The following MSN variants were observed in gnomAD, a reference collection of about 807,000 sequenced individuals.
MSN encodes the protein moesin, also known as epididymis luminal protein 70.
A neutral mutation model predicts 48.0 loss-of-function variants in MSN; 2 were observed. The observed-to-expected ratio is 0.04, with a 90% CI of 0.02 to 0.13. The LOEUF (loss-of-function observed/expected upper bound fraction) is 0.13. Among genes scored for constraint, MSN ranks in the 10% least tolerant of loss-of-function variants. The probability of loss-of-function intolerance (pLI) is 1.00; values close to 1 mark genes in which losing one functional copy is unlikely to be tolerated. For missense variants in MSN, 267 were observed against 470.1 expected (o/e 0.57, Z 3.99); for synonymous variants, 146 against 166.9 (o/e 0.87, Z 0.97).
In MSN at chrX:65,736,823, C is replaced by T. The variant is rs2071681858; in HGVS notation, c.988C>T (p.Arg330Cys). The T allele has an allele frequency of 8.6e-7, 1 of 1,167,894 alleles. No homozygotes were observed. Among genetic ancestry groups the T allele is most frequent in the Non-Finnish European group, 1.1e-6 (1 of 872,979 alleles). ...TATGCTGGAAAATGAGAAGAAGAAGCGTGAAATGGCAGAGAAGGAGAAAGA... is the reference window on the plus strand; with the variant it reads ...TATGCTGGAAAATGAGAAGAAGAAGTGTGAAATGGCAGAGAAGGAGAAAGA... ...RAMLENEKKKREMAEKEKEKI... is the reference protein window; with the variant it reads ...RAMLENEKKKCEMAEKEKEKI... Residue 330 changes from arginine to cysteine, a missense_variant, in exon 9 of 13, where the codon CGT becomes TGT. Coordinates refer to ENST00000360270, the MANE Select transcript of MSN (RefSeq NM_002444.3).
chrX:65,691,329 C>A (rs1213199568), intron 1 of MSN, among the ~76,000 whole-genome samples: 2 of 110,818 alleles, frequency 1.8e-5, no homozygotes, highest in African/African-American at 6.6e-5. Flanking sequence ...CCCCAGAAGC[C>A]CCCTATCTCC....
intron 1 of MSN, among the ~76,000 whole-genome samples, chrX:65,640,361 A>G (rs1332571876): frequency 9.0e-6 from 1 of 111,407 alleles, no homozygotes; most frequent in Non-Finnish European, 1.9e-5. Context: ...TAACATAGTG[A>G]AACCCCGTCT....
chrX:65,721,864 C>T (rs1348739954), intron 2 of MSN, among the ~76,000 whole-genome samples: 3 of 111,809 alleles, frequency 2.7e-5, no homozygotes, highest in Admixed American at 9.5e-5. Flanking sequence ...GAGAGGATCA[C>T]TTGAGGCTAG....
chrX:65,679,540 T>C (rs1215777789), intron 1 of MSN, among the ~76,000 whole-genome samples: 3 of 111,917 alleles, frequency 2.7e-5, no homozygotes, highest in Non-Finnish European at 3.8e-5. Flanking sequence ...TTTGTAAATA[T>C]GGTTTCCTTT....
intron 1 of MSN, chrX:65,624,995 A>T (rs1431573722): frequency 9.0e-6 from 1 of 111,606 alleles, no homozygotes; most frequent in African/African-American, 3.3e-5. Flanking sequence ...TTTCATCTTC[A>T]TTCATCTCTA....
chrX:65,728,316 C>T (rs998738959), intron 3 of MSN, among the ~76,000 whole-genome samples: 5 of 110,820 alleles, frequency 4.5e-5, no homozygotes, highest in South Asian at 3.9e-4. Flanking sequence ...TTGTTTTTGA[C>T]GGAGTCTCGC....
chrX:65,732,926 T>C, intron 6 of MSN, among the ~76,000 whole-genome samples: 1 of 111,132 alleles, frequency 9.0e-6, no homozygotes, highest in Non-Finnish European at 1.9e-5. Flanking sequence ...CAGAGAGAAG[T>C]GTTTGTTTGG....
chrX:65,639,149 T>C (rs1344558646), intron 1 of MSN, among the ~76,000 whole-genome samples: 4 of 111,800 alleles, frequency 3.6e-5, no homozygotes, highest in Non-Finnish European at 7.5e-5. Context: ...CATTTTCTTT[T>C]TTTTCTTTTC....
upstream of MSN, among the ~76,000 whole-genome samples, chrX:65,663,431 G>T (rs988034443): frequency 6.3e-5 from 7 of 110,830 alleles, no homozygotes; most frequent in African/African-American, 2.0e-4. Flanking sequence ...CAGTCAGAAT[G>T]ACTAGTATTA....
chrX:65,700,551 C>A lies in MSN; in HGVS notation c.13-16267C>A, dbSNP rs1032047406. On this transcript the variant is annotated intron_variant, in intron 1 of 12. Transcript: ENST00000360270. ...GTTTGGCCTTTAGCTGATGGGGAGC[C>A]CTTTGGGTCAGCCACCTTTTGGCTG... Among the ~76,000 whole-genome samples, 3 of 111,145 alleles carry A rather than the reference C, an allele frequency of 2.7e-5. No individual in the cohort carries two copies. The Admixed American group carries it at 2.9e-4, about 11-fold the overall frequency.
chrX:65,702,440 C>G (rs34559800), intron 1 of MSN, among the ~76,000 whole-genome samples: 2 of 105,142 alleles, frequency 1.9e-5, no homozygotes, highest in African/African-American at 7.0e-5. Context: ...CAAAGGCGGT[C>G]GAATCACTTA....
At chrX:65,617,223 A>G (rs1304905409) in intron 1 of MSN, among the ~76,000 whole-genome samples, 1 of 108,910 alleles carries the variant, frequency 9.2e-6, no homozygotes, top group Non-Finnish European at 1.9e-5. Flanking sequence ...TGGCCTCATA[A>G]AATGAGTTAG....
At position 65,714,458 on chromosome X, in the gene MSN, T is replaced by C. The variant is rs141358058; in HGVS notation, c.13-2360T>C. ...AACAGTGTATAAAGGTTCCCTTTTC[T>C]TTGCAATCTCACTAGCATCTGTTAT... is the stretch of plus-strand genomic sequence containing the variant. On this transcript the variant is annotated intron_variant, in intron 1 of 12. Coordinates refer to ENST00000360270, the MANE Select transcript of MSN (RefSeq NM_002444.3). 1.6e-3 allele frequency among the ~76,000 whole-genome samples: 175 copies of C among 112,094 alleles called. 4 individuals are homozygous for C. In the East Asian group the frequency reaches 0.047, roughly 30 times the overall value.
At chrX:65,671,366 G>A (rs1444393531) in intron 1 of MSN, among the ~76,000 whole-genome samples, 2 of 111,179 alleles carry the variant, frequency 1.8e-5, no homozygotes, top group African/African-American at 6.6e-5. Flanking sequence ...GACCATCAAT[G>A]TGAGCAGACA....
In MSN at chrX:65,609,751, C is replaced by T. The variant is rs765054441; in HGVS notation, c.-22+21139C>T. 2.7e-5 allele frequency among the ~76,000 whole-genome samples: 3 copies of T among 111,345 alleles called. No homozygotes were observed. In the East Asian group the frequency reaches 8.5e-4, roughly 31 times the overall value. ...ACAAAAAATTAGCCGGGCGTGGTGGCATGTGCCTGTAGTCCCAGCTACCTG... is the reference window on the plus strand; with the variant it reads ...ACAAAAAATTAGCCGGGCGTGGTGGTATGTGCCTGTAGTCCCAGCTACCTG... On this transcript the variant is annotated intron_variant, in intron 1 of 3. Transcript: ENST00000609672.
At chrX:65,592,192 CTTTTTTTTTTTTT>C (rs1176549178) in intron 1 of MSN, among the ~76,000 whole-genome samples, 7 of 76,921 alleles carry the variant, frequency 9.1e-5, no homozygotes, top group Admixed American at 6.7e-4. Context: ...CTCTTCATCC[CTTTTTTTTTTTTT>C]TTTTTTTTTT....
At chrX:65,599,560 A>C (rs2070216368) in intron 1 of MSN, among the ~76,000 whole-genome samples, 1 of 111,808 alleles carries the variant, frequency 8.9e-6, no homozygotes, top group African/African-American at 3.3e-5. Flanking sequence ...TTGAACCCGT[A>C]AGGCGGAGGT....
At chrX:65,680,859 G>A (rs913438115) in intron 1 of MSN, among the ~76,000 whole-genome samples, 6 of 110,768 alleles carry the variant, frequency 5.4e-5, no homozygotes, top group Non-Finnish European at 9.5e-5. Context: ...AGCGATTCTT[G>A]TGCCTCAGCC....
At chrX:65,673,619 T>C (rs1390984060) in intron 1 of MSN, among the ~76,000 whole-genome samples, 2 of 111,750 alleles carry the variant, frequency 1.8e-5, no homozygotes, top group Non-Finnish European at 3.8e-5. Flanking sequence ...CATGCCCAGC[T>C]AATTTTGTAT....
Sources: gnomAD v4.1 joint callset for allele counts (sites outside exome capture counted in the v4.1 genomes callset) on GRCh38, gnomAD v4.1.1 for gene constraint, MANE v1.5 for transcripts, NCBI Gene and HGNC (gene_info 2026-07-23, HGNC 2026-07-21) for gene names.